STAT4: variants seen among roughly 807,000 people sequenced by gnomAD.
STAT4 encodes signal transducer and activator of transcription 4.
A neutral mutation model predicts 110.5 loss-of-function variants in STAT4; 42 were observed. The ratio of observed to expected loss-of-function variants is 0.38; its 90% CI spans 0.30 to 0.49. The LOEUF is 0.49. Among genes scored for constraint, STAT4 ranks in the 20% least tolerant of loss-of-function variants. STAT4 has a pLI of 0.95. For missense variants in STAT4, 632 were observed against 887.9 expected, an observed-to-expected ratio of 0.71 and a Z score of 3.66; for synonymous variants, 284 against 302.2, an observed-to-expected ratio of 0.94 and a Z score of 0.63.
intron 3 of STAT4, among the ~76,000 whole-genome samples, chr2:191,126,652 T>C (rs950456830): frequency 2.6e-5 from 4 of 152,218 alleles, no homozygotes; most frequent in Middle Eastern, 3.2e-3. Flanking sequence ...GCAGCTTCTC[T>C]GCAAGCTTCT....
chr2:191,145,446 T>C (rs1288676725), intron 3 of STAT4, among the ~76,000 whole-genome samples: 1 of 152,234 alleles, frequency 6.6e-6, no homozygotes, highest in Non-Finnish European at 1.5e-5. Flanking sequence ...ATCCCCATTT[T>C]AGGTTTATAG....
At position 191,150,109 on chromosome 2, in the gene STAT4, T is replaced by G. The variant is rs1228984061; in HGVS notation, c.-2+838A>C. 6.6e-6 allele frequency among the ~76,000 whole-genome samples: 1 copy of G among 152,128 alleles called. No individual in the cohort carries two copies. Among genetic ancestry groups the G allele is most frequent in the Non-Finnish European group, 1.5e-5 (1 of 68,030 alleles). ...GAAATATCACTGTATATTCCATAAATATTTACAATTGTGTGTCAAATGAAA... is the reference window on the plus strand; with the variant it reads ...GAAATATCACTGTATATTCCATAAAGATTTACAATTGTGTGTCAAATGAAA... On this transcript the variant is annotated intron_variant, in intron 1 of 23. Transcript: ENST00000392320. This position sits in a 1 kb window ranked among gnomAD's most constrained non-coding sequence, Gnocchi z 6.4.
chr2:191,106,757 C>A (rs200947061), intron 3 of STAT4, among the ~76,000 whole-genome samples: 2 of 152,166 alleles, frequency 1.3e-5, no homozygotes, highest in South Asian at 2.1e-4. Flanking sequence ...GTCAATAAAT[C>A]ATTTTAGAAA....
chr2:191,114,364 T>A (rs1698516822), intron 3 of STAT4, among the ~76,000 whole-genome samples: 1 of 152,192 alleles, frequency 6.6e-6, no homozygotes, highest in African/African-American at 2.4e-5. Flanking sequence ...AAAATATTAT[T>A]TTCCTTATGC....
chr2:191,048,646 C>T (rs971593402), intron 14 of STAT4, among the ~76,000 whole-genome samples: 4 of 151,322 alleles, frequency 2.6e-5, no homozygotes, highest in African/African-American at 7.3e-5. Context: ...ATTAGCTGGG[C>T]ATGGTGGCGG....
chr2:191,049,221 CTGGAGTGCAG>C (rs1696448708), intron 14 of STAT4, among the ~76,000 whole-genome samples: 1 of 138,352 alleles, frequency 7.2e-6, no homozygotes. Flanking sequence ...GTCACCCAGG[CTGGAGTGCAG>C]TGGCGAAATT....
Position 191,112,258 on chromosome 2 carries a change from T to C in STAT4, c.273+34355A>G, listed in dbSNP as rs904209404. Among the ~76,000 whole-genome samples, 28 of 151,974 alleles carry C rather than the reference T, an allele frequency of 1.8e-4. No individual in the cohort carries two copies. Among genetic ancestry groups the C allele is most frequent in the African/African-American group, 6.0e-4 (25 of 41,372 alleles). ...TAACATTTGGGGTGTAGACTCTGGA[T>C]TCAAAGAAAACCAAATCATATCCAA... On this transcript the variant is annotated intron_variant, in intron 3 of 23. Transcript: ENST00000392320. The surrounding 1 kb of genome is among the most constrained non-coding windows in gnomAD (Gnocchi z 4.3).
chr2:191,052,651 CT>C (rs1423206163), intron 14 of STAT4, among the ~76,000 whole-genome samples: 2 of 152,056 alleles, frequency 1.3e-5, no homozygotes, highest in Admixed American at 1.3e-4. Flanking sequence ...ATTTGATTTG[CT>C]TTACTTAAGA....
chr2:191,124,148 C>T (rs1309549837), intron 3 of STAT4, among the ~76,000 whole-genome samples: 1 of 152,124 alleles, frequency 6.6e-6, no homozygotes, highest in African/African-American at 2.4e-5. Context: ...GTTAACTCAA[C>T]TTCTCATTTA....
In STAT4 at chr2:191,090,170, G is replaced by C. The variant is rs1248532553; in HGVS notation, c.274-13845C>G. On this transcript the variant is annotated intron_variant, in intron 3 of 23. Coordinates refer to ENST00000392320, the MANE Select transcript of STAT4 (RefSeq NM_003151.4). The surrounding 1 kb of genome is among the most constrained non-coding windows in gnomAD (Gnocchi z 4.2). ...TGAGAAGGAGACTAAGGGAGTATAT[G>C]GGAAAGTATTCTCTGTACTTTTTGC... Among the ~76,000 whole-genome samples, 1 of 152,036 alleles carries C rather than the reference G, an allele frequency of 6.6e-6. No individual in the cohort carries two copies. The highest frequency in any genetic ancestry group is 2.4e-5 in the African/African-American group (1 of 41,404).
At chr2:191,084,740 C>T (rs1697587855) in intron 3 of STAT4, among the ~76,000 whole-genome samples, 1 of 151,786 alleles carries the variant, frequency 6.6e-6, no homozygotes, top group Admixed American at 6.6e-5. Flanking sequence ...TTTAGTTTTT[C>T]TATAAATTAA....
Position 191,036,318 on chromosome 2 carries a change from G to T in STAT4, c.1435-19C>A. 6.2e-7 allele frequency: 1 copy of T among 1,613,490 alleles called. No homozygotes were observed. Among genetic ancestry groups the T allele is most frequent in the South Asian group, 1.1e-5 (1 of 91,024 alleles). On this transcript the variant is annotated intron_variant, in intron 16 of 23. Transcript: ENST00000392320. ...CCAAGTTCTGAAATAGAGTCAAGATGATAATTTGTTAATTATCTTACAGTG... is the reference window on the plus strand; with the variant it reads ...CCAAGTTCTGAAATAGAGTCAAGATTATAATTTGTTAATTATCTTACAGTG...
chr2:191,146,382 T>A lies in STAT4; in HGVS notation c.273+231A>T, dbSNP rs535524194. On this transcript the variant is annotated intron_variant, in intron 3 of 23. Coordinates refer to ENST00000392320, the MANE Select transcript of STAT4 (RefSeq NM_003151.4). This position sits in a 1 kb window ranked among gnomAD's most constrained non-coding sequence, Gnocchi z 4.5. ...AAACAAGATACATGCAAGTCCCACA[T>A]GCAACACACTTGTAATGTATTTTAT... Among the ~76,000 whole-genome samples, 8 of 152,322 alleles carry A rather than the reference T, an allele frequency of 5.3e-5. No individual in the cohort carries two copies. Among genetic ancestry groups the A allele is most frequent in the African/African-American group, 1.9e-4 (8 of 41,578 alleles).
At chr2:191,111,966 G>A (rs1358827597) in intron 3 of STAT4, among the ~76,000 whole-genome samples, 1 of 152,174 alleles carries the variant, frequency 6.6e-6, no homozygotes, top group East Asian at 1.9e-4. Context: ...GCTGCCTGGG[G>A]CTGGCAGGCA....
At position 191,042,766 on chromosome 2, in the gene STAT4, T is replaced by C. The variant is rs990409797; in HGVS notation, c.1252-1618A>G. 8.7e-5 allele frequency among the ~76,000 whole-genome samples: 13 copies of C among 149,422 alleles called. No homozygotes were observed. Among genetic ancestry groups the C allele is most frequent in the African/African-American group, 1.7e-4 (7 of 40,422 alleles). On this transcript the variant is annotated intron_variant, in intron 14 of 23. Coordinates refer to ENST00000392320, the MANE Select transcript of STAT4 (RefSeq NM_003151.4). This position sits in a 1 kb window ranked among gnomAD's most constrained non-coding sequence, Gnocchi z 4.2. ...GTTAGGTGATGCTTAAATTCATTCA[T>C]TGTATTCTCTCTTTTTTTTTTTTCT...
chr2:191,074,099 G>C (rs530624820), intron 4 of STAT4, among the ~76,000 whole-genome samples: 1 of 152,164 alleles, frequency 6.6e-6, no homozygotes, highest in Admixed American at 6.5e-5. Context: ...GGGAGTTTAT[G>C]AAAGAAAACA....
At chr2:191,063,634 C>T (rs886954048) in intron 8 of STAT4, among the ~76,000 whole-genome samples, 2 of 152,186 alleles carry the variant, frequency 1.3e-5, no homozygotes, top group East Asian at 3.8e-4. Flanking sequence ...CCTCGCCATA[C>T]AGTAACTCTT....
At chr2:191,121,047 T>A (rs1698711085) in intron 3 of STAT4, among the ~76,000 whole-genome samples, 4 of 152,158 alleles carry the variant, frequency 2.6e-5, no homozygotes, top group Admixed American at 1.3e-4. Context: ...ATATCCAGAA[T>A]CTACAAAGAA....
intron 1 of STAT4, 54 bp from the exon 2 acceptor site, chr2:191,148,258 A>G: frequency 6.4e-7 from 1 of 1,567,836 alleles, no homozygotes; most frequent in Non-Finnish European, 8.6e-7. Context: ...TAGCCCTAGT[A>G]CATATTTTCT....
Sources: gnomAD v4.1 joint callset for allele counts (sites outside exome capture counted in the v4.1 genomes callset) on GRCh38, gnomAD v4.1.1 for gene constraint, Gnocchi (gnomAD v3.1) non-coding constraint, MANE v1.5 for transcripts, NCBI Gene and HGNC (gene_info 2026-07-23, HGNC 2026-07-21) for gene names.